Variants in TENM3 observed in about 807,000 individuals in gnomAD.
The protein encoded by TENM3 is teneurin transmembrane protein 3, also known as teneurin-3.
TENM3 carries 63 observed loss-of-function variants against 255.1 expected under a neutral mutation model. The ratio of observed to expected loss-of-function variants is 0.25; its 90% CI spans 0.20 to 0.30. The LOEUF is 0.30. TENM3 is among the 10% of genes least tolerant of loss of function. The probability of loss-of-function intolerance (pLI) is 1.00; values close to 1 mark genes in which losing one functional copy is unlikely to be tolerated. For synonymous variants in TENM3, 1,306 were observed against 1,322.3 expected, an observed-to-expected ratio of 0.99 and a Z score of 0.27; for missense variants, 2,929 against 3,461.1, an observed-to-expected ratio of 0.85 and a Z score of 3.86.
intron 3 of TENM3, among the ~76,000 whole-genome samples, chr4:182,407,139 A>AT (rs1383728136): frequency 6.6e-6 from 1 of 152,184 alleles, no homozygotes; most frequent in Non-Finnish European, 1.5e-5. Context: ...CTTGTTACTC[A>AT]TCCCGTGGAG....
intron 3 of TENM3, among the ~76,000 whole-genome samples, chr4:182,557,867 G>A (rs1307301559): frequency 6.6e-6 from 1 of 152,128 alleles, no homozygotes; most frequent in East Asian, 1.9e-4. Context: ...ATTCATACAT[G>A]TTTACAGTGA....
Position 182,673,024 on chromosome 4 carries a change from G to A in TENM3, c.1131G>A (p.Thr377=), listed in dbSNP as rs764546164. The A allele has an allele frequency of 2.0e-5, 32 of 1,589,146 alleles. No individual in the cohort carries two copies. The highest frequency in any genetic ancestry group is 1.7e-4 in the Middle Eastern group (1 of 5,986). Residue 377 remains threonine, a synonymous_variant, in exon 7 of 28, where the codon ACG becomes ACA. Transcript: ENST00000511685. ...SGDNGKLGGF[T]QENNTIDSGE... ...ATTCAGGAAAATTAGGTGGATTTAC[G>A]CAAGAAAATAACACCATAGATTCCG... is the stretch of plus-strand genomic sequence containing the variant.
intron 1 of TENM3, 121 bp downstream of exon 1, chr4:182,243,597 C>G (rs1273469535): frequency 6.8e-6 from 1 of 147,826 alleles, no homozygotes; most frequent in Non-Finnish European, 1.5e-5. Context: ...GGAGGGCAGA[C>G]AAGTCTAAAA....
intron 6 of TENM3, among the ~76,000 whole-genome samples, chr4:182,662,653 C>CT (rs553715563): frequency 2.0e-5 from 3 of 152,076 alleles, no homozygotes; most frequent in Admixed American, 1.3e-4. Context: ...TAGAACTGGC[C>CT]TTTTTTTATT....
chr4:181,900,670 C>T, the TENM3 span, among the ~76,000 whole-genome samples: 1 of 152,160 alleles, frequency 6.6e-6, no homozygotes, highest in African/African-American at 2.4e-5. Context: ...ATTCCACAAG[C>T]ATTAATTGGG....
chr4:182,029,206 G>A, the TENM3 span, among the ~76,000 whole-genome samples: 1 of 152,142 alleles, frequency 6.6e-6, no homozygotes, highest in East Asian at 1.9e-4. Flanking sequence ...ACAAGCAGGG[G>A]AGGTACTAAA....
rs539205535 is a variant in TENM3, at chr4:182,162,428, C to T, written c.-76+17674C>T. Among the ~76,000 whole-genome samples, 69 of 152,200 alleles carry T rather than the reference C, an allele frequency of 4.5e-4. 1 individual carries two copies. In the South Asian group the frequency reaches 8.5e-3, roughly 19 times the overall value. On this transcript the variant is annotated intron_variant, in intron 1 of 2. Coordinates refer to the TENM3 transcript ENST00000512480. ...TAATTAGACAAACTAACACTGTGAG[C>T]TAGGATTAAGTCTGAAGATGTGGAA...
the TENM3 span, among the ~76,000 whole-genome samples, chr4:181,492,580 C>G: frequency 0.02 from 3,082 of 152,266 alleles, 91 homozygotes; most frequent in African/African-American, 0.067. Context: ...ACATCCTTGG[C>G]TGGCTGTGAT....
the TENM3 span, among the ~76,000 whole-genome samples, chr4:181,817,422 C>A: frequency 6.6e-6 from 1 of 152,102 alleles, no homozygotes; most frequent in Non-Finnish European, 1.5e-5. Context: ...GGAGATGAAC[C>A]AAAACTGCCT....
the TENM3 span, among the ~76,000 whole-genome samples, chr4:181,455,400 A>T: frequency 1.3e-5 from 2 of 152,166 alleles, no homozygotes; most frequent in African/African-American, 4.8e-5. Flanking sequence ...AGGTCTTACC[A>T]GCAAAATCTC....
intron 3 of TENM3, among the ~76,000 whole-genome samples, chr4:182,480,966 T>G (rs1734137506): frequency 6.6e-6 from 1 of 152,086 alleles, no homozygotes; most frequent in Admixed American, 6.5e-5. Flanking sequence ...GAGAGTTTCC[T>G]TTTTTTCTGT....
intron 1 of TENM3, among the ~76,000 whole-genome samples, chr4:182,203,368 A>G (rs1477800922): frequency 1.3e-5 from 2 of 152,146 alleles, no homozygotes; most frequent in Non-Finnish European, 2.9e-5. Context: ...CATTGGAGAG[A>G]AAGATTAAGT....
At chr4:182,573,234 G>A (rs1481796924) in intron 3 of TENM3, among the ~76,000 whole-genome samples, 2 of 152,086 alleles carry the variant, frequency 1.3e-5, no homozygotes, top group Admixed American at 1.3e-4. Flanking sequence ...AGGACTTACC[G>A]AATAATAACG....
At chr4:181,728,045 T>G in the TENM3 span, among the ~76,000 whole-genome samples, 1 of 152,232 alleles carries the variant, frequency 6.6e-6, no homozygotes, top group Non-Finnish European at 1.5e-5. Flanking sequence ...CTGATCTTTT[T>G]GTGATAAACA....
At chr4:182,184,089 GTT>G (rs1433336567) in intron 1 of TENM3, among the ~76,000 whole-genome samples, 1 of 152,126 alleles carries the variant, frequency 6.6e-6, no homozygotes, top group East Asian at 1.9e-4. Flanking sequence ...ACTTCAAAAA[GTT>G]TAATAATATT....
chr4:182,550,827 G>C (rs1741924175), intron 3 of TENM3, among the ~76,000 whole-genome samples: 2 of 152,150 alleles, frequency 1.3e-5, no homozygotes, highest in South Asian at 4.1e-4. Flanking sequence ...CTGAGGCGTT[G>C]GGATTGGGAA....
chr4:182,589,833 G>T (rs1228457183), intron 3 of TENM3, among the ~76,000 whole-genome samples: 1 of 151,988 alleles, frequency 6.6e-6, no homozygotes, highest in African/African-American at 2.4e-5. Flanking sequence ...AATTAGCTGG[G>T]CTTGGTGGTG....
chr4:182,418,159 C>T (rs759660494), intron 3 of TENM3, among the ~76,000 whole-genome samples: 6 of 151,896 alleles, frequency 4.0e-5, no homozygotes, highest in Non-Finnish European at 8.8e-5. Context: ...AAAAAGCAGG[C>T]CAAAAAAGTA....
At chr4:181,860,618 A>G in the TENM3 span, among the ~76,000 whole-genome samples, 39 of 152,328 alleles carry the variant, frequency 2.6e-4, no homozygotes, top group African/African-American at 8.9e-4. Context: ...CCTACGGTTG[A>G]TTATCAGGTT....
Sources: allele counts gnomAD v4.1 joint callset (sites outside exome capture counted in the v4.1 genomes callset), GRCh38; gene constraint gnomAD v4.1.1; transcripts MANE v1.5; gene names NCBI Gene and HGNC (gene_info 2026-07-23, HGNC 2026-07-21).